Variants in CFAP100 observed in about 807,000 individuals in gnomAD.
CFAP100 encodes the protein cilia- and flagella-associated protein 100.
A neutral mutation model predicts 81.5 loss-of-function variants in CFAP100; 70 were observed. That is an observed-to-expected ratio of 0.86 (90% CI 0.71 to 1.05). CFAP100 has a LOEUF of 1.05. Among genes scored for constraint, CFAP100 ranks in the 50% least tolerant of loss-of-function variants. The pLI is 0.00. For missense variants in CFAP100, 811 were observed against 776.5 expected, an observed-to-expected ratio of 1.04 and a Z score of -0.53; for synonymous variants, 341 against 314.8, an observed-to-expected ratio of 1.08 and a Z score of -0.88.
At chr3:126,419,958 G>T in intron 9 of CFAP100, 22 bp from the exon 10 acceptor site, 1 of 1,612,794 alleles carries the variant, frequency 6.2e-7, no homozygotes, top group Non-Finnish European at 8.5e-7. Context: ...GGCCATCGGG[G>T]CCCCCCCTTT....
chr3:126,420,523 C>T, intron 11 of CFAP100: 1 of 440,468 alleles, frequency 2.3e-6, no homozygotes, highest in East Asian at 4.4e-5. Flanking sequence ...AAGGCCTGCC[C>T]CTGGTTGTCT....
At chr3:126,416,273 G>C (rs938882715) in intron 4 of CFAP100, 43 bp from the exon 5 acceptor site, 1 of 1,536,966 alleles carries the variant, frequency 6.5e-7, no homozygotes, top group South Asian at 1.2e-5. Context: ...CTGGACGCGG[G>C]TGGGGAGCCT....
At chr3:126,420,547 G>A (rs1387738955) in intron 11 of CFAP100, 1 of 391,846 alleles carries the variant, frequency 2.6e-6, no homozygotes, top group East Asian at 5.5e-5. Context: ...CCTGGCCCTG[G>A]GGGGATAGGT....
At chr3:126,418,861 GCCCCCAGC>G (rs2083284395) in intron 7 of CFAP100, 87 bp downstream of exon 7, 1 of 1,435,758 alleles carries the variant, frequency 7.0e-7, no homozygotes, top group Non-Finnish European at 9.3e-7. Flanking sequence ...TCCAGCCTCT[GCCCCCAGC>G]CCCTGCAACT....
At chr3:126,395,402 C>G (rs1339311015) in intron 1 of CFAP100, 1 of 152,214 alleles carries the variant, frequency 6.6e-6, no homozygotes, top group African/African-American at 2.4e-5. Flanking sequence ...AAAATTCATT[C>G]AATGGATGAA....
At chr3:126,407,275 A>G in intron 3 of CFAP100, 23 bp downstream of exon 3, 1 of 1,591,208 alleles carries the variant, frequency 6.3e-7, no homozygotes, top group Non-Finnish European at 8.6e-7. Context: ...CTGGGAGGCT[A>G]AAGTCCAAGT....
chr3:126,433,127 A>G lies in CFAP100; in HGVS notation c.1345A>G (p.Lys449Glu), dbSNP rs940690620. The G allele has an allele frequency of 1.2e-6, 2 of 1,614,154 alleles. No homozygotes were observed. The highest frequency in any genetic ancestry group is 1.7e-5 in the Admixed American group (1 of 60,030). Reference protein sequence around the residue: ...WVTTMMMSITKEEDTAAELEL... With the variant: ...WVTTMMMSITEEEDTAAELEL... ...CACCACAATGATGATGTCCATCACC[A>G]AGGAGGAGGACACAGCAGCTGAGCT... is the stretch of plus-strand genomic sequence containing the variant. The change falls in exon 14 of 17, where the codon AAG (lysine) becomes GAG (glutamate). Residue 449 changes from lysine (K) to glutamate (E), a missense_variant. Coordinates refer to ENST00000352312, the MANE Select transcript of CFAP100 (RefSeq NM_182628.3).
chr3:126,413,636 C>T (rs1159090475), intron 3 of CFAP100, among the ~76,000 whole-genome samples: 2 of 152,224 alleles, frequency 1.3e-5, no homozygotes, highest in East Asian at 3.9e-4. Context: ...CTTGGCCTTC[C>T]CTGGGAGGAC....
chr3:126,416,587 C>T, intron 5 of CFAP100, 79 bp downstream of exon 5: 1 of 1,217,726 alleles, frequency 8.2e-7, no homozygotes, highest in Non-Finnish European at 1.1e-6. Flanking sequence ...CTGGAACCTC[C>T]GTGCCACTCA....
chr3:126,435,482 G>A lies in CFAP100; in HGVS notation c.1629-77G>A, dbSNP rs1040173851. ...TTTTCTTGAGGGAGGACACGGCCTG[G>A]CCTGGGGACTCCGTGTGGAGATTAC... is the stretch of plus-strand genomic sequence containing the variant. On this transcript the variant is annotated intron_variant, in intron 15 of 16. Transcript: ENST00000352312. The A allele has an allele frequency of 1.7e-5, 21 of 1,240,764 alleles. No individual in the cohort carries two copies. The East Asian group carries it at 5.1e-4, about 30-fold the overall frequency. The allele number at this position is 1,240,764 out of a possible 1,614,324, so 76.9% of individuals were successfully genotyped here.
chr3:126,396,567 T>A (rs1193003234), intron 2 of CFAP100: 1 of 156,620 alleles, frequency 6.4e-6, no homozygotes, highest in Non-Finnish European at 1.4e-5. Flanking sequence ...TGCAAAGACC[T>A]TATTTCCAAA....
Position 126,394,993 on chromosome 3 carries a change from G to C in CFAP100, c.-60+15G>C, listed in dbSNP as rs955820795. 3 of 152,576 alleles carry C rather than the reference G, an allele frequency of 2.0e-5. No homozygotes were observed. Among genetic ancestry groups the C allele is most frequent in the African/African-American group, 7.2e-5 (3 of 41,454 alleles). 9.5% of individuals were successfully genotyped at this position (152,576 alleles called of 1,614,324 possible). ...AGTCGGGGTCGGTGGGTGCGCTCGC[G>C]GTCCGGGGAGAGGGGGCGCGCGGGG... On this transcript the variant is annotated intron_variant, in intron 1 of 16. Transcript: ENST00000352312.
chr3:126,418,448 C>A lies in CFAP100; in HGVS notation c.419-10C>A. The A allele has an allele frequency of 6.2e-7, 1 of 1,613,968 alleles. No homozygotes were observed. Among genetic ancestry groups the A allele is most frequent in the Non-Finnish European group, 8.5e-7 (1 of 1,179,982 alleles). On this transcript the variant is annotated splice_polypyrimidine_tract_variant and intron_variant, in intron 5 of 16. Transcript: ENST00000352312. Reference sequence around the variant, plus strand: ...TCCCGCTCCTGCTCACCTCCCTCTTCTTCCAGCAGAAAAGAATGTGGAGCC... The same window carrying A: ...TCCCGCTCCTGCTCACCTCCCTCTTATTCCAGCAGAAAAGAATGTGGAGCC...
intron 14 of CFAP100, chr3:126,433,408 C>T: frequency 1.7e-6 from 1 of 584,198 alleles, no homozygotes; most frequent in East Asian, 2.9e-5. Context: ...CACGCCTCAT[C>T]CATTGCTTCA....
intron 13 of CFAP100, among the ~76,000 whole-genome samples, chr3:126,432,000 G>A (rs983732440): frequency 2.6e-5 from 4 of 152,090 alleles, no homozygotes; most frequent in African/African-American, 7.2e-5. Context: ...GAATGTTGAG[G>A]CCGGGCGCAG....
At chr3:126,424,648 C>T (rs1399363925) in intron 13 of CFAP100, among the ~76,000 whole-genome samples, 1 of 152,252 alleles carries the variant, frequency 6.6e-6, no homozygotes, top group Non-Finnish European at 1.5e-5. Context: ...CTAAGCTCTG[C>T]AAGGATAAAG....
At chr3:126,419,194 C>G in intron 8 of CFAP100, 38 bp downstream of exon 8, 1 of 1,336,120 alleles carries the variant, frequency 7.5e-7, no homozygotes, top group East Asian at 2.5e-5. Flanking sequence ...GGCTGGCCCA[C>G]CTCCTGGTCC....
chr3:126,414,978 T>TTCAGCCCTGCCCAGGCC, intron 4 of CFAP100, among the ~76,000 whole-genome samples: 1 of 152,126 alleles, frequency 6.6e-6, no homozygotes, highest in East Asian at 1.9e-4. Flanking sequence ...ATGCACAGGC[T>TTCAGCCCTGCCCAGGCC]TCAGCCCTGC....
chr3:126,435,237 G>C (rs979728290), intron 15 of CFAP100, among the ~76,000 whole-genome samples: 1 of 152,122 alleles, frequency 6.6e-6, no homozygotes, highest in South Asian at 2.1e-4. Flanking sequence ...CACAGATCAG[G>C]CCATGGGTGT....
Sources: allele counts gnomAD v4.1 joint callset (sites outside exome capture counted in the v4.1 genomes callset), GRCh38; gene constraint gnomAD v4.1.1; transcripts MANE v1.5; gene names NCBI Gene and HGNC (gene_info 2026-07-23, HGNC 2026-07-21).